The following ADCY2 variants were observed in gnomAD, a reference collection of about 807,000 sequenced individuals.
The protein encoded by ADCY2 is adenylate cyclase type 2.
ADCY2 carries 31 observed loss-of-function variants against 125.2 expected under a neutral mutation model. That is an observed-to-expected ratio of 0.25 (90% confidence interval 0.19 to 0.33). ADCY2 has a LOEUF of 0.33. Ranked by LOEUF, ADCY2 falls within the 10% of genes least tolerant of loss-of-function variation. The pLI, the probability that ADCY2 is intolerant of heterozygous loss-of-function variation, is 1.00. For synonymous variants in ADCY2, 512 were observed against 548.4 expected (o/e 0.93, Z 0.93); for missense variants, 904 against 1,418.2 (o/e 0.64, Z 5.82).
intron 14 of ADCY2, among the ~76,000 whole-genome samples, chr5:7,741,678 CATCACCGTCACCATCATCA>C (rs1742421697): frequency 1.0e-4 from 1 of 9,694 alleles, no homozygotes. Context: ...TCATCATCAC[CATCACCGTCACCATCATCA>C]CCATAACCAT....
intron 7 of ADCY2, among the ~76,000 whole-genome samples, chr5:7,702,867 C>A (rs1741135786): frequency 6.6e-6 from 1 of 152,216 alleles, no homozygotes; most frequent in Non-Finnish European, 1.5e-5. Context: ...GTTCCTATTT[C>A]TCCACGTCCT....
chr5:7,625,116 C>A (rs1373252244), intron 3 of ADCY2, among the ~76,000 whole-genome samples: 1 of 152,104 alleles, frequency 6.6e-6, no homozygotes, highest in African/African-American at 2.4e-5. Context: ...AGGAAATGAT[C>A]AAATATGAAG....
At chr5:7,673,286 A>ATATATATATATATATATATATATAT (rs58505229) in intron 4 of ADCY2, among the ~76,000 whole-genome samples, 13 of 53,854 alleles carry the variant, frequency 2.4e-4, no homozygotes, top group Non-Finnish European at 2.6e-4. Flanking sequence ...ATATATATAT[A>ATATATATATATATATATATATATAT]AAATTAGCCA....
intron 2 of ADCY2, among the ~76,000 whole-genome samples, chr5:7,451,130 C>G (rs964466532): frequency 2.0e-4 from 30 of 152,202 alleles, no homozygotes; most frequent in African/African-American, 7.0e-4. Flanking sequence ...TTTCAACTTT[C>G]AAGTCTTATT....
intron 22 of ADCY2, among the ~76,000 whole-genome samples, chr5:7,810,129 T>C (rs943437972): frequency 2.0e-5 from 3 of 152,188 alleles, no homozygotes; most frequent in Admixed American, 1.3e-4. Flanking sequence ...GTGGCTGTGG[T>C]GTGTTCTCCT....
In ADCY2 at chr5:7,779,583, C is replaced by A. The variant is rs554327163; in HGVS notation, c.2385-4782C>A. On this transcript the variant is annotated intron_variant, in intron 18 of 24. Transcript: ENST00000338316. ...CAGCACTCCCAGTCCAACCCCCCCC[C>A]CAACACACACTTTTGTCATCTTTTC... Among the ~76,000 whole-genome samples, 250 of 152,232 alleles carry A rather than the reference C, an allele frequency of 1.6e-3. 2 individuals are homozygous for A. The highest frequency in any genetic ancestry group is 5.9e-3 in the African/African-American group (243 of 41,528).
At chr5:7,762,074 A>G (rs1743238798) in intron 16 of ADCY2, among the ~76,000 whole-genome samples, 1 of 152,196 alleles carries the variant, frequency 6.6e-6, no homozygotes, top group Non-Finnish European at 1.5e-5. Context: ...AGGAGCAGGA[A>G]ATAAGCTAAA....
chr5:7,551,347 T>C (rs1458440815), intron 3 of ADCY2, among the ~76,000 whole-genome samples: 1 of 152,182 alleles, frequency 6.6e-6, no homozygotes, highest in Non-Finnish European at 1.5e-5. Context: ...TGACAATCGA[T>C]AAAGTTACTA....
At chr5:7,584,401 A>G (rs1736552271) in intron 3 of ADCY2, among the ~76,000 whole-genome samples, 1 of 152,148 alleles carries the variant, frequency 6.6e-6, no homozygotes, top group African/African-American at 2.4e-5. Context: ...TGCACAATAA[A>G]ATAGGCAATA....
chr5:7,723,432 G>A, intron 12 of ADCY2, among the ~76,000 whole-genome samples: 1 of 152,140 alleles, frequency 6.6e-6, no homozygotes, highest in Non-Finnish European at 1.5e-5. Context: ...GTGTGTGCCT[G>A]GCAGTGAGAG....
intron 18 of ADCY2, among the ~76,000 whole-genome samples, chr5:7,774,460 C>T (rs1743654192): frequency 1.3e-5 from 2 of 152,330 alleles, no homozygotes; most frequent in Middle Eastern, 3.4e-3. Context: ...TTTTCACGCG[C>T]AGCTGATAAC....
intron 4 of ADCY2, among the ~76,000 whole-genome samples, chr5:7,671,068 C>A (rs1342703994): frequency 6.6e-6 from 1 of 152,088 alleles, no homozygotes; most frequent in African/African-American, 2.4e-5. Context: ...AGATGTTAGG[C>A]AAGAGAGGAA....
chr5:7,679,377 T>C (rs375399091), intron 4 of ADCY2, among the ~76,000 whole-genome samples: 98 of 152,328 alleles, frequency 6.4e-4, no homozygotes, highest in African/African-American at 2.3e-3. Flanking sequence ...TGTAATATAC[T>C]GAAGGGCTTT....
chr5:7,802,085 G>A lies in ADCY2; in HGVS notation c.2629-133G>A, dbSNP rs1260432275. On this transcript the variant is annotated intron_variant, in intron 20 of 24. Coordinates refer to ENST00000338316, the MANE Select transcript of ADCY2 (RefSeq NM_020546.3). This position sits in a 1 kb window ranked among gnomAD's most constrained non-coding sequence, Gnocchi z 4.6. ...CAGCATCTGGATTGGGCCGCGGCTGGGGTGGGGCAAGTGGAGTAGGCATTT... is the reference window on the plus strand; with the variant it reads ...CAGCATCTGGATTGGGCCGCGGCTGAGGTGGGGCAAGTGGAGTAGGCATTT... 1.0e-6 allele frequency: 1 copy of A among 993,454 alleles called. No individual in the cohort carries two copies. The highest frequency in any genetic ancestry group is 1.5e-6 in the Non-Finnish European group (1 of 679,744). The allele number at this position is 993,454 out of a possible 1,614,324, so 61.5% of individuals were successfully genotyped here.
chr5:7,506,789 CTTTTTTTTTTTT>C (rs70940743), intron 2 of ADCY2, among the ~76,000 whole-genome samples: 135 of 55,072 alleles, frequency 2.5e-3, no homozygotes, highest in Non-Finnish European at 3.0e-3. Flanking sequence ...ATGCGTTGCT[CTTTTTTTTTTTT>C]TTTTTTTTTT....
intron 22 of ADCY2, among the ~76,000 whole-genome samples, chr5:7,807,498 G>C (rs1411769413): frequency 1.3e-5 from 2 of 152,112 alleles, no homozygotes; most frequent in Non-Finnish European, 2.9e-5. Context: ...CCTTTGCCTG[G>C]TAATCCTCCC....
chr5:7,527,830 A>G (rs1734525748), intron 3 of ADCY2, among the ~76,000 whole-genome samples: 1 of 152,136 alleles, frequency 6.6e-6, no homozygotes, highest in African/African-American at 2.4e-5. Flanking sequence ...TGTATATTGG[A>G]GTCTGGAATT....
In ADCY2 at chr5:7,729,637, A is replaced by T. The variant is rs540993574; in HGVS notation, c.1871+2376A>T. On this transcript the variant is annotated intron_variant, in intron 14 of 24. Transcript: ENST00000338316. ...TAAATTAAAAGCAACTTTATTAGAAAGTAAAGAAATAAAATAATGGCTACT... is the reference window on the plus strand; with the variant it reads ...TAAATTAAAAGCAACTTTATTAGAATGTAAAGAAATAAAATAATGGCTACT... Among the ~76,000 whole-genome samples, 7 of 151,218 alleles carry T rather than the reference A, an allele frequency of 4.6e-5. No individual in the cohort carries two copies. The East Asian group carries it at 1.4e-3, about 29-fold the overall frequency.
intron 1 of ADCY2, among the ~76,000 whole-genome samples, chr5:7,412,638 C>T (rs1739768982): frequency 6.6e-6 from 1 of 152,234 alleles, no homozygotes; most frequent in South Asian, 2.1e-4. Context: ...AGAAAAAGAA[C>T]ATCTCATTTG....
Sources: allele counts gnomAD v4.1 joint callset (sites outside exome capture counted in the v4.1 genomes callset), GRCh38; gene constraint gnomAD v4.1.1; non-coding constraint Gnocchi (gnomAD v3.1); transcripts MANE v1.5; gene names NCBI Gene and HGNC (gene_info 2026-07-23, HGNC 2026-07-21).